The following RAI14 variants were observed in gnomAD, a reference collection of about 807,000 sequenced individuals.
RAI14 encodes the protein retinoic acid induced 14.
A neutral mutation model predicts 115.4 loss-of-function variants in RAI14; 45 were observed. The observed-to-expected ratio is 0.39, with a 90% CI of 0.31 to 0.50. The LOEUF is 0.50. RAI14 is among the 20% of genes least tolerant of loss of function. The pLI, the probability that RAI14 is intolerant of heterozygous loss-of-function variation, is 0.85. For missense variants in RAI14, 939 were observed against 1,131.2 expected, an observed-to-expected ratio of 0.83 and a Z score of 2.44; for synonymous variants, 371 against 415.4, an observed-to-expected ratio of 0.89 and a Z score of 1.30.
At chr5:34,766,290 C>T (rs1749350079) in intron 3 of RAI14, among the ~76,000 whole-genome samples, 1 of 152,146 alleles carries the variant, frequency 6.6e-6, no homozygotes, top group South Asian at 2.1e-4. Flanking sequence ...CACCATTCAC[C>T]TGGAAAAGCT....
intron 3 of RAI14, among the ~76,000 whole-genome samples, chr5:34,793,671 G>A (rs1753185251): frequency 6.6e-6 from 1 of 152,184 alleles, no homozygotes; most frequent in African/African-American, 2.4e-5. Flanking sequence ...ATTTGGGTGT[G>A]TGTATATGCA....
intron 2 of RAI14, among the ~76,000 whole-genome samples, chr5:34,719,500 G>A (rs1742405602): frequency 1.3e-5 from 2 of 152,140 alleles, no homozygotes; most frequent in South Asian, 2.1e-4. Flanking sequence ...AAATCTTACC[G>A]CACCCTTTGT....
chr5:34,740,421 C>T (rs1379571277), intron 2 of RAI14, among the ~76,000 whole-genome samples: 1 of 152,162 alleles, frequency 6.6e-6, no homozygotes, highest in African/African-American at 2.4e-5. Flanking sequence ...CTAGTTAAAT[C>T]ACAAAACTCT....
At chr5:34,681,390 A>G (rs1477154533) in intron 1 of RAI14, among the ~76,000 whole-genome samples, 4 of 152,114 alleles carry the variant, frequency 2.6e-5, no homozygotes, top group Admixed American at 2.6e-4. Flanking sequence ...TGTCCTTTTT[A>G]ACTTGGAAGA....
rs752872802 is a variant in RAI14, at chr5:34,813,648, C to G, written c.840C>G (p.Ile280Met). The G allele has an allele frequency of 5.6e-6, 9 of 1,607,344 alleles. No homozygotes were observed. In the South Asian group the frequency reaches 1.0e-4, roughly 18 times the overall value. The change falls in exon 11 of 18, where the codon ATC (isoleucine) becomes ATG (methionine). Residue 280 changes from isoleucine to methionine, a missense_variant. By Grantham distance (10) the Ile-to-Met change is conservative. Coordinates refer to ENST00000265109, the MANE Select transcript of RAI14 (RefSeq NM_015577.3). ...AACGCAAAGCTCCACCACCTCCTAT[C>G]AGTCCTACCCAGGTAAAAACAAAAG... ...PKKRKAPPPP[I>M]SPTQLSDVSS...
rs547328515 is a variant in RAI14, at chr5:34,722,899, G to A, written c.37-34569G>A. On this transcript the variant is annotated intron_variant, in intron 2 of 17. Coordinates refer to ENST00000265109, the MANE Select transcript of RAI14 (RefSeq NM_015577.3). Reference sequence around the variant, plus strand: ...AGCCTGACCAACATGGTGAAACCCCGTTTCTACTAAAAATACAAAAATGTA... The same window carrying A: ...AGCCTGACCAACATGGTGAAACCCCATTTCTACTAAAAATACAAAAATGTA... Among the ~76,000 whole-genome samples, 8 of 151,906 alleles carry A rather than the reference G, an allele frequency of 5.3e-5. No individual in the cohort carries two copies. In the East Asian group the frequency reaches 7.7e-4, roughly 15 times the overall value.
intron 2 of RAI14, among the ~76,000 whole-genome samples, chr5:34,720,843 C>T (rs1427660330): frequency 6.6e-6 from 1 of 152,004 alleles, no homozygotes; most frequent in Admixed American, 6.6e-5. Flanking sequence ...ATGTAAAGTT[C>T]TGGCTTTTAT....
intron 3 of RAI14, among the ~76,000 whole-genome samples, chr5:34,786,385 C>A (rs1443555432): frequency 6.6e-6 from 1 of 152,306 alleles, no homozygotes; most frequent in African/African-American, 2.4e-5. Context: ...AAAGAAAGAT[C>A]TGGAGGGTCA....
At chr5:34,757,181 T>C in intron 2 of RAI14, 4 of 466,122 alleles carry the variant, frequency 8.6e-6, no homozygotes, top group South Asian at 6.4e-5. Flanking sequence ...CCTTGAGGTC[T>C]TTTTACGTTG....
At chr5:34,795,813 G>C (rs1580286457) in intron 3 of RAI14, 126 bp from the exon 4 acceptor site, 2 of 614,440 alleles carry the variant, frequency 3.3e-6, no homozygotes, top group African/African-American at 3.8e-5. Flanking sequence ...CTAGTCAGTG[G>C]GTGCTTGTAG....
At chr5:34,792,851 A>C (rs1753089643) in intron 3 of RAI14, among the ~76,000 whole-genome samples, 1 of 152,174 alleles carries the variant, frequency 6.6e-6, no homozygotes, top group African/African-American at 2.4e-5. Context: ...CTTTAGGTAA[A>C]ATACATGAAG....
chr5:34,792,128 T>C (rs1316945956), intron 3 of RAI14, among the ~76,000 whole-genome samples: 1 of 152,160 alleles, frequency 6.6e-6, no homozygotes, highest in Non-Finnish European at 1.5e-5. Flanking sequence ...GTGAGAGGAA[T>C]GATGATACAC....
intron 3 of RAI14, among the ~76,000 whole-genome samples, chr5:34,785,087 G>A (rs1000674552): frequency 4.6e-5 from 7 of 152,124 alleles, no homozygotes; most frequent in Non-Finnish European, 2.9e-5. Context: ...AGAATTTCAG[G>A]GGGAAAATGT....
intron 3 of RAI14, among the ~76,000 whole-genome samples, chr5:34,771,000 G>A (rs907346571): frequency 1.3e-5 from 2 of 152,168 alleles, no homozygotes; most frequent in African/African-American, 4.8e-5. Context: ...GGGATTGTGG[G>A]AAAGTTGTTA....
chr5:34,702,657 G>T (rs1158624042), intron 2 of RAI14, among the ~76,000 whole-genome samples: 1 of 152,174 alleles, frequency 6.6e-6, no homozygotes, highest in East Asian at 1.9e-4. Context: ...TGCTCGGGTT[G>T]GCCACTGTTA....
chr5:34,700,744 TG>T (rs1739965454), intron 2 of RAI14, among the ~76,000 whole-genome samples: 1 of 152,226 alleles, frequency 6.6e-6, no homozygotes, highest in Non-Finnish European at 1.5e-5. Flanking sequence ...GGCCTTGGCT[TG>T]TTACCTACAA....
intron 2 of RAI14, among the ~76,000 whole-genome samples, chr5:34,748,415 A>G (rs1024071696): frequency 6.6e-6 from 1 of 152,204 alleles, no homozygotes; most frequent in Non-Finnish European, 1.5e-5. Context: ...TTTCACTTGT[A>G]TCAACTTGTT....
intron 1 of RAI14, among the ~76,000 whole-genome samples, chr5:34,658,402 T>A (rs891193721): frequency 6.6e-6 from 1 of 152,160 alleles, no homozygotes; most frequent in African/African-American, 2.4e-5. Context: ...TAAGAACAAC[T>A]GGGCCTTGGA....
chr5:34,824,574 T>A, intron 15 of RAI14, 83 bp downstream of exon 15: 3 of 1,152,348 alleles, frequency 2.6e-6, no homozygotes, highest in Non-Finnish European at 3.6e-6. Context: ...ATTTCTAGTG[T>A]TGGCACTAAA....
Sources: gnomAD v4.1 joint callset for allele counts (sites outside exome capture counted in the v4.1 genomes callset) on GRCh38, gnomAD v4.1.1 for gene constraint, MANE v1.5 for transcripts, NCBI Gene and HGNC (gene_info 2026-07-23, HGNC 2026-07-21) for gene names.